The following LCN1 variants were observed in gnomAD, a reference collection of about 807,000 sequenced individuals.
The protein encoded by LCN1 is lipocalin-1.
LCN1 carries 25 observed loss-of-function variants against 22.3 expected under a neutral mutation model. That is an observed-to-expected ratio of 1.12 (90% CI 0.82 to 1.56). The LOEUF (loss-of-function observed/expected upper bound fraction) is 1.56, where lower values mean the gene tolerates loss of function less well. Among genes scored for constraint, LCN1 ranks in the 40% most tolerant of loss-of-function variants. The probability of loss-of-function intolerance (pLI) is 0.00; values close to 1 mark genes in which losing one functional copy is unlikely to be tolerated. For missense variants in LCN1, 219 were observed against 235.6 expected, an observed-to-expected ratio of 0.93 and a Z score of 0.46; for synonymous variants, 85 against 97.6, an observed-to-expected ratio of 0.87 and a Z score of 0.76.
chr9:135,524,992 C>T, intron 5 of LCN1, 61 bp downstream of exon 5: 2 of 1,555,948 alleles, frequency 1.3e-6, no homozygotes, highest in African/African-American at 1.4e-5. Context: ...AGCAGAGCTG[C>T]ATTGCACGGG....
rs371082125 is a variant in LCN1 at position 135,523,882 on chromosome 9, G to C, written c.295G>C (p.Gly99Arg). Reference sequence around the variant, plus strand: ...AATGTGCTGCTGTCTTTCTGCAGACGGGGGCAAGCACGTGGCATACATCAT... The same window carrying C: ...AATGTGCTGCTGTCTTTCTGCAGACCGGGGCAAGCACGTGGCATACATCAT... ...TDEPGKYTADGGKHVAYIIRS... is the reference protein window; with the variant it reads ...TDEPGKYTADRGKHVAYIIRS... Residue 99 changes from glycine to arginine, a missense_variant and splice_region_variant, in exon 4 of 7, where the codon GGG becomes CGG. By Grantham distance (125) the Gly-to-Arg change is moderately radical. Transcript: ENST00000371781. The C allele has an allele frequency of 1.9e-6, 3 of 1,612,432 alleles. No homozygotes were observed. Among genetic ancestry groups the C allele is most frequent in the African/African-American group, 1.3e-5 (1 of 74,882 alleles).
rs766676556 is a variant in LCN1 at position 135,524,913 on chromosome 9, C to A, written c.487C>A (p.Leu163Ile). 7 of 1,606,916 alleles carry A rather than the reference C, an allele frequency of 4.4e-6. No homozygotes were observed. The Admixed American group carries it at 8.5e-5, about 19-fold the overall frequency. ...CCGCGGACTCAGCACGGAGAGCATC[C>A]TCATCCCCAGGCAGAGCGGTAGGAG... ...GARGLSTESI[L>I]IPRQSETCSP... is the part of the protein sequence containing the mutation. The change falls in exon 5 of 7, where the codon CTC (leucine) becomes ATC (isoleucine). Residue 163 changes from leucine to isoleucine, a missense_variant. Transcript: ENST00000371781.
chr9:135,526,309 T>A, intron 6 of LCN1, 35 bp from the exon 7 acceptor site: 6 of 864,046 alleles, frequency 6.9e-6, no homozygotes, highest in Non-Finnish European at 7.1e-6. Flanking sequence ...CCACCCTTGC[T>A]GTCCTGGCCT....
rs543123345 is a variant in LCN1 at position 135,522,540 on chromosome 9, G to C, written c.221+363G>C. On this transcript the variant is annotated intron_variant, in intron 2 of 6. Coordinates refer to ENST00000371781, the MANE Select transcript of LCN1 (RefSeq NM_002297.4). ...AATTTCTGCTTTGGAGAAGTGCAGGGATGGGGCTTGCAGAATGACCAAGAG... is the reference window on the plus strand; with the variant it reads ...AATTTCTGCTTTGGAGAAGTGCAGGCATGGGGCTTGCAGAATGACCAAGAG... Among the ~76,000 whole-genome samples the C allele has an allele frequency of 2.7e-4, 41 of 152,362 alleles. 1 individual carries two copies. In the East Asian group the frequency reaches 5.8e-3, roughly 22 times the overall value.
In LCN1 at chr9:135,523,948, G is replaced by T. The variant is rs753237624; in HGVS notation, c.361G>T (p.Gly121Cys). The change falls in exon 4 of 7, where the codon GGC (glycine) becomes TGC (cysteine). Residue 121 changes from glycine to cysteine, a missense_variant. Coordinates refer to ENST00000371781, the MANE Select transcript of LCN1 (RefSeq NM_002297.4). ...VKDHYIFYCE[G>C]ELHGKPVRGV... The stretch of plus-strand genomic sequence containing the variant: ...GGACCACTACATCTTTTACTGTGAG[G>T]GCGAGCTGCACGGGAAGCCGGTCCG... 2.5e-6 allele frequency: 4 copies of T among 1,614,088 alleles called. No homozygotes were observed. The highest frequency in any genetic ancestry group is 1.7e-5 in the Admixed American group (1 of 60,014).
rs547874086 is a variant in LCN1 at position 135,525,278 on chromosome 9, C to G, written c.*1+120C>G. The G allele has an allele frequency of 2.7e-4, 258 of 973,482 alleles. 1 individual carries two copies. Among genetic ancestry groups the G allele is most frequent in the Middle Eastern group, 1.5e-3 (7 of 4,578 alleles). The allele number at this position is 973,482 out of a possible 1,614,324, so 60.3% of individuals were successfully genotyped here. ...TCCTACCTGGGTGGGAGATGCCCCA[C>G]GTAGGTCAGGCAGGTGGGAGCTCTG... On this transcript the variant is annotated intron_variant, in intron 6 of 6. Coordinates refer to ENST00000371781, the MANE Select transcript of LCN1 (RefSeq NM_002297.4).
chr9:135,521,917 G>C, intron 1 of LCN1, 130 bp from the exon 2 acceptor site: 2 of 1,430,768 alleles, frequency 1.4e-6, no homozygotes, highest in South Asian at 2.8e-5. Flanking sequence ...TGTTTTCTGG[G>C]TGGGTTAGAT....
chr9:135,522,535 G>A (rs897884725), intron 2 of LCN1, among the ~76,000 whole-genome samples: 2 of 152,236 alleles, frequency 1.3e-5, no homozygotes, highest in African/African-American at 4.8e-5. Flanking sequence ...TTGGAGAAGT[G>A]CAGGGATGGG....
At chr9:135,524,105 C>A in intron 4 of LCN1, 115 bp downstream of exon 4, 1 of 757,334 alleles carries the variant, frequency 1.3e-6, no homozygotes, top group South Asian at 1.6e-5. Flanking sequence ...GAACCCACTG[C>A]AGTTTTCTTA....
In LCN1 at chr9:135,521,481, G is replaced by T; in HGVS notation, c.-17G>T. On this transcript the variant is annotated 5_prime_UTR_variant, in exon 1 of 7. Transcript: ENST00000371781. ...AGCAAGCGACCTGTCAGGCGGCCGT[G>T]GACTCAGACTCCGGAGATGAAGCCC... The T allele has an allele frequency of 6.2e-7, 1 of 1,609,848 alleles. No individual in the cohort carries two copies.
At chr9:135,522,511 A>T (rs75682638) in intron 2 of LCN1, among the ~76,000 whole-genome samples, 19,255 of 152,286 alleles carry the variant, frequency 0.13, 1,307 homozygotes, top group South Asian at 0.17. Context: ...CAGTCCTGGC[A>T]GTAAATTTCT....
At chr9:135,522,265 G>C in intron 2 of LCN1, 88 bp downstream of exon 2, 1 of 1,478,358 alleles carries the variant, frequency 6.8e-7, no homozygotes, top group Admixed American at 2.2e-5. Flanking sequence ...TGCTGGGGAG[G>C]TGGGCAGACC....
intron 4 of LCN1, 51 bp from the exon 5 acceptor site, chr9:135,524,779 C>T (rs1393738862): frequency 2.7e-5 from 39 of 1,427,570 alleles, no homozygotes; most frequent in Non-Finnish European, 3.5e-5. Context: ...GATGGGGTGC[C>T]GTCGGCCCAG....
chr9:135,522,373 C>G (rs187515008), intron 2 of LCN1, among the ~76,000 whole-genome samples, 196 bp downstream of exon 2: 10 of 152,338 alleles, frequency 6.6e-5, no homozygotes, highest in Non-Finnish European at 1.5e-4. Context: ...GCAGAGGCCC[C>G]GGATCAGACC....
chr9:135,524,928 A>C lies in LCN1; in HGVS notation c.502A>C (p.Ser168Arg). 1 of 1,605,136 alleles carries C rather than the reference A, an allele frequency of 6.2e-7. No individual in the cohort carries two copies. Among genetic ancestry groups the C allele is most frequent in the Non-Finnish European group, 8.5e-7 (1 of 1,176,214 alleles). ...STESILIPRQ[S>R]ETCSPGSD ...GGAGAGCATCCTCATCCCCAGGCAG[A>C]GCGGTAGGAGGCATGGCCCTGCAGA... Residue 168 changes from serine to arginine, a missense_variant, in exon 5 of 7, where the codon AGC becomes CGC. Transcript: ENST00000371781.
At position 135,522,590 on chromosome 9, in the gene LCN1, A is replaced by G. The variant is rs182530194; in HGVS notation, c.221+413A>G. Among the ~76,000 whole-genome samples, 1,261 of 152,320 alleles carry G rather than the reference A, an allele frequency of 8.3e-3. 7 individuals carry two copies. The highest frequency in any genetic ancestry group is 0.013 in the Non-Finnish European group (914 of 68,024). ...GGGGGCATAGGAGAAGACACCATGG[A>G]GAAGACCCCCTTGAAATCCCTGTGT... On this transcript the variant is annotated intron_variant, in intron 2 of 6. Coordinates refer to ENST00000371781, the MANE Select transcript of LCN1 (RefSeq NM_002297.4).
chr9:135,524,867 C>A lies in LCN1; in HGVS notation c.441C>A (p.Asp147Glu), dbSNP rs1302548981. 6.2e-7 allele frequency: 1 copy of A among 1,608,304 alleles called. No individual in the cohort carries two copies. Among genetic ancestry groups the A allele is most frequent in the African/African-American group, 1.3e-5 (1 of 74,694 alleles). Reference protein sequence around the residue: ...DPKNNLEALEDFEKAAGARGL... With the variant: ...DPKNNLEALEEFEKAAGARGL... ...AGAACAACCTGGAAGCCTTGGAGGA[C>A]TTTGAGAAAGCCGCAGGAGCCCGCG... Residue 147 changes from aspartate (D) to glutamate (E), a missense_variant, in exon 5 of 7, where the codon GAC (aspartate) becomes GAA (glutamate). By Grantham distance (45) the Asp-to-Glu change is conservative. Transcript: ENST00000371781.
chr9:135,525,902 C>T (rs1293445001), intron 6 of LCN1, among the ~76,000 whole-genome samples: 1 of 143,838 alleles, frequency 7.0e-6, no homozygotes, highest in Non-Finnish European at 1.5e-5. Flanking sequence ...CGGTGCACGT[C>T]CCCCACACCA....
At chr9:135,525,252 C>A in intron 6 of LCN1, 94 bp downstream of exon 6, 1 of 1,288,680 alleles carries the variant, frequency 7.8e-7, no homozygotes, top group Non-Finnish European at 1.1e-6. Flanking sequence ...ACCCATCCCA[C>A]TCCTACCTGG....
Sources: gnomAD v4.1 joint callset for allele counts (sites outside exome capture counted in the v4.1 genomes callset) on GRCh38, gnomAD v4.1.1 for gene constraint, MANE v1.5 for transcripts, NCBI Gene and HGNC (gene_info 2026-07-23, HGNC 2026-07-21) for gene names.